ANKS1B: variants seen among roughly 807,000 people sequenced by gnomAD.
The protein encoded by ANKS1B is ankyrin repeat and sterile alpha motif domain-containing protein 1B.
Under a neutral mutation model 148.3 loss-of-function variants are expected in ANKS1B, and 36 were observed. The ratio of observed to expected loss-of-function variants is 0.24; its 90% confidence interval spans 0.19 to 0.32. ANKS1B has a LOEUF of 0.32. Among genes scored for constraint, ANKS1B ranks in the 10% least tolerant of loss-of-function variants. The pLI is 1.00. For missense variants in ANKS1B, 1,157 were observed against 1,542.6 expected (o/e 0.75, Z 4.19); for synonymous variants, 542 against 560.8 (o/e 0.97, Z 0.47).
chr12:99,535,107 A>G (rs2097052575), intron 9 of ANKS1B, among the ~76,000 whole-genome samples: 1 of 152,220 alleles, frequency 6.6e-6, no homozygotes, highest in African/African-American at 2.4e-5. Flanking sequence ...TAGTTATTTA[A>G]TATGATTGTG....
chr12:99,645,155 T>C (rs2098348512), intron 9 of ANKS1B, among the ~76,000 whole-genome samples: 1 of 152,232 alleles, frequency 6.6e-6, no homozygotes, highest in Non-Finnish European at 1.5e-5. Flanking sequence ...TATTAACTGA[T>C]TTCTGTTTAA....
chr12:99,785,366 G>A (rs973248260), intron 4 of ANKS1B, among the ~76,000 whole-genome samples: 1 of 151,638 alleles, frequency 6.6e-6, no homozygotes, highest in Admixed American at 6.6e-5. Context: ...TCTAAAGTGG[G>A]ATTCTAATCT....
chr12:99,552,481 C>T (rs1283926243), intron 9 of ANKS1B, among the ~76,000 whole-genome samples: 1 of 152,174 alleles, frequency 6.6e-6, no homozygotes, highest in Non-Finnish European at 1.5e-5. Flanking sequence ...CAGTGTCTGA[C>T]ACATAAAACT....
At chr12:99,763,049 T>G (rs536158339) in intron 8 of ANKS1B, among the ~76,000 whole-genome samples, 40 of 152,256 alleles carry the variant, frequency 2.6e-4, no homozygotes, top group Non-Finnish European at 5.0e-4. Flanking sequence ...TTTGTGGGAA[T>G]GTCAGTTAAT....
chr12:99,387,994 A>G (rs989494683), intron 12 of ANKS1B, among the ~76,000 whole-genome samples: 1 of 152,170 alleles, frequency 6.6e-6, no homozygotes, highest in Non-Finnish European at 1.5e-5. Flanking sequence ...AGAGGTGAAC[A>G]GGAAGTTATA....
At chr12:99,411,456 A>T (rs2094704001) in intron 11 of ANKS1B, among the ~76,000 whole-genome samples, 1 of 152,142 alleles carries the variant, frequency 6.6e-6, no homozygotes. Context: ...TCCACTACTG[A>T]TGGGCACTTA....
At chr12:99,819,675 TA>T (rs1437047372) in intron 2 of ANKS1B, among the ~76,000 whole-genome samples, 2 of 151,782 alleles carry the variant, frequency 1.3e-5, no homozygotes. Context: ...TTAATAACAT[TA>T]AACTTAAGAA....
intron 9 of ANKS1B, among the ~76,000 whole-genome samples, chr12:99,615,349 T>C (rs184465556): frequency 9.1e-4 from 139 of 152,278 alleles, no homozygotes; most frequent in African/African-American, 3.2e-3. Context: ...GCACATTCAA[T>C]AGTTAAAAAA....
At chr12:99,952,395 T>G (rs1031020474) in intron 1 of ANKS1B, among the ~76,000 whole-genome samples, 3 of 152,226 alleles carry the variant, frequency 2.0e-5, no homozygotes, top group African/African-American at 7.2e-5. Flanking sequence ...CTAAAATTTT[T>G]TATGTTAGTT....
rs574301150 is a variant in ANKS1B at position 99,966,981 on chromosome 12, C to T, written c.134+17123G>A. ...GCCTCTGGGATCAGAGGAAGATTGGCCAAGCAGTGTCACTCCCTATGGCCT... is the reference window on the plus strand; with the variant it reads ...GCCTCTGGGATCAGAGGAAGATTGGTCAAGCAGTGTCACTCCCTATGGCCT... On this transcript the variant is annotated intron_variant, in intron 1 of 26. Transcript: ENST00000683438. Among the ~76,000 whole-genome samples the T allele has an allele frequency of 9.1e-4, 138 of 152,202 alleles. 2 individuals are homozygous for T. Among genetic ancestry groups the T allele is most frequent in the African/African-American group, 3.2e-3 (132 of 41,532 alleles).
Position 99,406,317 on chromosome 12 carries a change from T to C in ANKS1B, c.1576-6506A>G, listed in dbSNP as rs934406261. 5.5e-5 allele frequency among the ~76,000 whole-genome samples: 8 copies of C among 146,020 alleles called. 1 individual carries two copies. The highest frequency in any genetic ancestry group is 2.1e-4 in the African/African-American group (8 of 38,644). Reference sequence around the variant, plus strand: ...AACTAAAAAATAAATTGAAATTATATCAAGTATCTTCTTTATCCACTATAA... The same window carrying C: ...AACTAAAAAATAAATTGAAATTATACCAAGTATCTTCTTTATCCACTATAA... On this transcript the variant is annotated intron_variant, in intron 11 of 26. Transcript: ENST00000683438.
At chr12:99,156,315 C>CCTA (rs1368084084) in intron 14 of ANKS1B, among the ~76,000 whole-genome samples, 1 of 152,154 alleles carries the variant, frequency 6.6e-6, no homozygotes, top group African/African-American at 2.4e-5. Context: ...GCCCACCTAG[C>CCTA]CTAGTGAAAC....
At chr12:99,696,246 TAAG>T (rs2053891181) in intron 8 of ANKS1B, among the ~76,000 whole-genome samples, 1 of 152,186 alleles carries the variant, frequency 6.6e-6, no homozygotes, top group South Asian at 2.1e-4. Context: ...AAGATACCTA[TAAG>T]ATGATGTAGA....
chr12:99,134,561 G>A (rs2067225177), intron 15 of ANKS1B, among the ~76,000 whole-genome samples: 1 of 151,338 alleles, frequency 6.6e-6, no homozygotes, highest in Non-Finnish European at 1.5e-5. Context: ...CCACCTGCCT[G>A]TAACACACAT....
At chr12:99,376,153 A>C (rs548825938) in intron 12 of ANKS1B, among the ~76,000 whole-genome samples, 1 of 152,308 alleles carries the variant, frequency 6.6e-6, no homozygotes, top group South Asian at 2.1e-4. Context: ...TTCTTTACTC[A>C]GTTATGACCT....
At chr12:99,066,637 G>A (rs1010850754) in intron 16 of ANKS1B, among the ~76,000 whole-genome samples, 1 of 152,188 alleles carries the variant, frequency 6.6e-6, no homozygotes, top group East Asian at 1.9e-4. Context: ...CACTTTGACT[G>A]CTGTGTTGAG....
At chr12:99,570,611 A>G (rs533054290) in intron 9 of ANKS1B, among the ~76,000 whole-genome samples, 2 of 150,530 alleles carry the variant, frequency 1.3e-5, no homozygotes, top group Non-Finnish European at 2.9e-5. Context: ...TGGCCACTGC[A>G]CTCCAGCCTG....
intron 9 of ANKS1B, among the ~76,000 whole-genome samples, chr12:99,537,364 T>C (rs1430622615): frequency 6.6e-6 from 1 of 152,128 alleles, no homozygotes; most frequent in African/African-American, 2.4e-5. Flanking sequence ...GTTGTACTAA[T>C]TTACATTCCC....
At chr12:99,322,907 G>A (rs752613667) in intron 12 of ANKS1B, among the ~76,000 whole-genome samples, 2 of 151,910 alleles carry the variant, frequency 1.3e-5, no homozygotes, top group Non-Finnish European at 2.9e-5. Flanking sequence ...CTTTTTGCTT[G>A]GTTCTTATTC....
Sources: allele counts gnomAD v4.1 joint callset (sites outside exome capture counted in the v4.1 genomes callset), GRCh38; gene constraint gnomAD v4.1.1; transcripts MANE v1.5; gene names NCBI Gene and HGNC (gene_info 2026-07-23, HGNC 2026-07-21).